The following ROBO1 variants were observed in gnomAD, a reference collection of about 807,000 sequenced individuals.
ROBO1 encodes roundabout homolog 1.
A neutral mutation model predicts 195.9 loss-of-function variants in ROBO1; 149 were observed. That is an observed-to-expected ratio of 0.76 (90% CI 0.67 to 0.87). The LOEUF (loss-of-function observed/expected upper bound fraction) is 0.87, where lower values mean the gene tolerates loss of function less well. Among genes scored for constraint, ROBO1 ranks in the 40% least tolerant of loss-of-function variants. The pLI is 0.00. For missense variants in ROBO1, 1,933 were observed against 2,068.3 expected, an observed-to-expected ratio of 0.93 and a Z score of 1.27; for synonymous variants, 816 against 733.2, an observed-to-expected ratio of 1.11 and a Z score of -1.82.
chr3:79,485,514 T>G (rs774022372), intron 2 of ROBO1, among the ~76,000 whole-genome samples: 1 of 152,284 alleles, frequency 6.6e-6, no homozygotes, highest in African/African-American at 2.4e-5. Flanking sequence ...AATACAAAAT[T>G]TAGTGTTCAC....
At chr3:79,551,481 A>G (rs915471591) in intron 2 of ROBO1, among the ~76,000 whole-genome samples, 1 of 152,140 alleles carries the variant, frequency 6.6e-6, no homozygotes, top group African/African-American at 2.4e-5. Flanking sequence ...TTTGTAAAAT[A>G]AAAATTTGTT....
intron 2 of ROBO1, among the ~76,000 whole-genome samples, chr3:79,164,039 GT>G (rs970381288): frequency 6.6e-6 from 1 of 152,108 alleles, no homozygotes; most frequent in African/African-American, 2.4e-5. Flanking sequence ...GTGTGGAATT[GT>G]TTTATAAGGG....
intron 4 of ROBO1, among the ~76,000 whole-genome samples, chr3:78,884,652 G>GAAAGAAAGAAAGAAAGA (rs1559961818): frequency 4.1e-5 from 2 of 49,080 alleles, no homozygotes; most frequent in African/African-American, 1.3e-4. Context: ...AGAAAGAAAG[G>GAAAGAAAGAAAGAAAGA]AAGGAAGGAA....
At chr3:79,106,521 A>C (rs933833660) in intron 3 of ROBO1, among the ~76,000 whole-genome samples, 1 of 151,604 alleles carries the variant, frequency 6.6e-6, no homozygotes, top group Non-Finnish European at 1.5e-5. Flanking sequence ...CACTTTCCTC[A>C]TGTATTATAT....
intron 1 of ROBO1, among the ~76,000 whole-genome samples, chr3:79,712,156 C>T (rs1307351616): frequency 6.6e-6 from 1 of 152,058 alleles, no homozygotes; most frequent in Non-Finnish European, 1.5e-5. Flanking sequence ...GCATATCTCC[C>T]ATTTTAATTA....
chr3:79,523,052 T>C (rs1941274249), intron 2 of ROBO1, among the ~76,000 whole-genome samples: 1 of 152,134 alleles, frequency 6.6e-6, no homozygotes, highest in Non-Finnish European at 1.5e-5. Flanking sequence ...GTTATAATTA[T>C]CTAATAAACA....
chr3:78,897,633 A>AT (rs757606294), intron 4 of ROBO1, among the ~76,000 whole-genome samples: 1 of 150,258 alleles, frequency 6.7e-6, no homozygotes, highest in Non-Finnish European at 1.5e-5. Flanking sequence ...AGCCCTTTTT[A>AT]TTTATTATAG....
chr3:79,191,326 G>T (rs1370975861), intron 2 of ROBO1, among the ~76,000 whole-genome samples: 1 of 151,410 alleles, frequency 6.6e-6, no homozygotes, highest in Non-Finnish European at 1.5e-5. Context: ...AAGTGAAGAA[G>T]ACATGAATAA....
chr3:79,591,706 A>G (rs187880623), intron 1 of ROBO1, among the ~76,000 whole-genome samples: 204 of 151,920 alleles, frequency 1.3e-3, no homozygotes, highest in African/African-American at 4.7e-3. Context: ...TTATCCATTC[A>G]ATGTTTTGGC....
intron 1 of ROBO1, among the ~76,000 whole-genome samples, chr3:79,708,136 C>G (rs1702130562): frequency 6.6e-6 from 1 of 152,080 alleles, no homozygotes; most frequent in Non-Finnish European, 1.5e-5. Flanking sequence ...TACAACATCA[C>G]TCTGAGGTTC....
rs537589259 is a variant in ROBO1, at chr3:78,735,220, C to A, written c.657+11523G>T. 2.0e-5 allele frequency among the ~76,000 whole-genome samples: 3 copies of A among 152,236 alleles called. No individual in the cohort carries two copies. In the South Asian group the frequency reaches 6.2e-4, roughly 32 times the overall value. The stretch of plus-strand genomic sequence containing the variant: ...TGTAGAATGAACATGAACTGAAAAT[C>A]AAGACAGGAGAACTTAAAATAACGC... On this transcript the variant is annotated intron_variant, in intron 5 of 30. Transcript: ENST00000464233.
intron 8 of ROBO1, among the ~76,000 whole-genome samples, chr3:78,710,766 C>T (rs2081664390): frequency 6.6e-6 from 1 of 152,206 alleles, no homozygotes; most frequent in Non-Finnish European, 1.5e-5. Context: ...CACACTTCTT[C>T]TACCTTTCTA....
chr3:79,043,830 C>A (rs925419252), intron 3 of ROBO1, among the ~76,000 whole-genome samples: 2 of 151,980 alleles, frequency 1.3e-5, no homozygotes, highest in African/African-American at 4.8e-5. Flanking sequence ...ATTTTCAGGG[C>A]AAGATTTGCT....
At chr3:78,905,796 G>A (rs2037873592) in intron 4 of ROBO1, among the ~76,000 whole-genome samples, 1 of 152,082 alleles carries the variant, frequency 6.6e-6, no homozygotes, top group African/African-American at 2.4e-5. Context: ...AATCTTTAAA[G>A]GAAGTACGAT....
intron 2 of ROBO1, among the ~76,000 whole-genome samples, chr3:79,239,496 A>C (rs2082473061): frequency 6.6e-6 from 1 of 152,170 alleles, no homozygotes; most frequent in African/African-American, 2.4e-5. Flanking sequence ...TCATTTCCAC[A>C]GCTTTTATAT....
At chr3:79,360,793 AGTGTGAAGCCAGG>A (rs1003341837) in intron 2 of ROBO1, among the ~76,000 whole-genome samples, 23 of 152,080 alleles carry the variant, frequency 1.5e-4, no homozygotes, top group African/African-American at 5.5e-4. Flanking sequence ...CATATTCCAA[AGTGTGAAGCCAGG>A]GTGCGGAACA....
At chr3:79,261,122 T>C (rs1323493474) in intron 2 of ROBO1, among the ~76,000 whole-genome samples, 1 of 152,108 alleles carries the variant, frequency 6.6e-6, no homozygotes, top group Non-Finnish European at 1.5e-5. Context: ...TCTGTTTCAC[T>C]TACAGTTGAT....
At chr3:79,187,840 T>C (rs1158998975) in intron 2 of ROBO1, among the ~76,000 whole-genome samples, 1 of 151,954 alleles carries the variant, frequency 6.6e-6, no homozygotes, top group Non-Finnish European at 1.5e-5. Context: ...TCAACTCTAT[T>C]TAGTTTATGT....
chr3:79,007,661 A>C (rs1464610208), intron 3 of ROBO1, among the ~76,000 whole-genome samples: 2 of 152,212 alleles, frequency 1.3e-5, no homozygotes, highest in East Asian at 3.8e-4. Flanking sequence ...CTGACAAATA[A>C]AAATTGTATG....
Sources: gnomAD v4.1 joint callset for allele counts (sites outside exome capture counted in the v4.1 genomes callset) on GRCh38, gnomAD v4.1.1 for gene constraint, MANE v1.5 for transcripts, NCBI Gene and HGNC (gene_info 2026-07-23, HGNC 2026-07-21) for gene names.